The following EEFSEC variants were observed in gnomAD, a reference collection of about 807,000 sequenced individuals.
EEFSEC encodes the protein selenocysteine-specific elongation factor.
Under a neutral mutation model 42.1 loss-of-function variants are expected in EEFSEC, and 43 were observed. The ratio of observed to expected loss-of-function variants is 1.02; its 90% confidence interval spans 0.80 to 1.32. The LOEUF (loss-of-function observed/expected upper bound fraction) is 1.32. Among genes scored for constraint, EEFSEC ranks in the 40% most tolerant of loss-of-function variants. EEFSEC has a pLI of 0.00. For missense variants in EEFSEC, 745 were observed against 803.6 expected, an observed-to-expected ratio of 0.93 and a Z score of 0.88; for synonymous variants, 354 against 339.1, an observed-to-expected ratio of 1.04 and a Z score of -0.48.
chr3:128,230,097 GT>G (rs1429284897), intron 1 of EEFSEC, among the ~76,000 whole-genome samples: 3 of 115,432 alleles, frequency 2.6e-5, no homozygotes, highest in African/African-American at 9.1e-5. Context: ...TCATTCTTTC[GT>G]TTTTTCATTC....
intron 1 of EEFSEC, among the ~76,000 whole-genome samples, chr3:128,165,691 G>A (rs2065236844): frequency 6.6e-6 from 1 of 152,156 alleles, no homozygotes; most frequent in Non-Finnish European, 1.5e-5. Flanking sequence ...TATTTATTTG[G>A]TGCCATGCAC....
chr3:128,319,461 T>G (rs145984649), intron 4 of EEFSEC, among the ~76,000 whole-genome samples: 5 of 152,328 alleles, frequency 3.3e-5, no homozygotes, highest in African/African-American at 4.8e-5. Context: ...ATTATGTATA[T>G]TCATGGGCCG....
At chr3:128,407,953 G>T in intron 6 of EEFSEC, 116 bp from the exon 7 acceptor site, 2 of 1,001,982 alleles carry the variant, frequency 2.0e-6, no homozygotes, top group South Asian at 3.4e-5. Flanking sequence ...CCTCAGGGCT[G>T]ATTGGCTAGG....
chr3:128,425,590 A>G, the EEFSEC span, among the ~76,000 whole-genome samples: 2 of 152,336 alleles, frequency 1.3e-5, no homozygotes, highest in East Asian at 3.9e-4. Flanking sequence ...TGCTGTCTGC[A>G]TTCCCGCCTG....
At chr3:128,282,960 A>G (rs1248010921) in intron 4 of EEFSEC, among the ~76,000 whole-genome samples, 3 of 152,208 alleles carry the variant, frequency 2.0e-5, no homozygotes, top group Non-Finnish European at 4.4e-5. Context: ...GCTCCCTACA[A>G]CTGTGCCTCC....
At chr3:128,222,430 G>C (rs2107849533) in intron 1 of EEFSEC, among the ~76,000 whole-genome samples, 1 of 152,292 alleles carries the variant, frequency 6.6e-6, no homozygotes, top group Admixed American at 6.5e-5. Flanking sequence ...TTGTTAACCT[G>C]TTACTCGGGT....
chr3:128,390,541 TGAAA>T (rs953076802), intron 6 of EEFSEC, among the ~76,000 whole-genome samples: 7 of 152,248 alleles, frequency 4.6e-5, no homozygotes, highest in South Asian at 4.1e-4. Context: ...CTTCTGTGTC[TGAAA>T]GAGAGAGGCC....
chr3:128,286,028 G>A lies in EEFSEC; in HGVS notation c.786+21247G>A, dbSNP rs114805429. Among the ~76,000 whole-genome samples the A allele has an allele frequency of 4.1e-3, 631 of 152,344 alleles. 7 individuals carry two copies. Among genetic ancestry groups the A allele is most frequent in the African/African-American group, 0.015 (609 of 41,574 alleles). On this transcript the variant is annotated intron_variant, in intron 4 of 6. Coordinates refer to ENST00000254730, the MANE Select transcript of EEFSEC (RefSeq NM_021937.5). ...GTTTGTAGTCATGCATGTGTGTACA[G>A]CATTGTTTGCTCTGTCTTGTAGATA...
intron 2 of EEFSEC, among the ~76,000 whole-genome samples, chr3:128,248,885 T>C (rs1162904412): frequency 3.3e-5 from 5 of 152,246 alleles, no homozygotes; most frequent in South Asian, 2.1e-4. Flanking sequence ...TTATGGACTT[T>C]ATCACACATC....
intron 1 of EEFSEC, among the ~76,000 whole-genome samples, chr3:128,231,966 GT>G (rs1343405789): frequency 6.6e-6 from 1 of 152,062 alleles, no homozygotes; most frequent in African/African-American, 2.4e-5. Context: ...TGTGCTTAGG[GT>G]TTTCTTTGTA....
downstream of EEFSEC, among the ~76,000 whole-genome samples, chr3:128,410,917 A>T (rs113484663): frequency 0.017 from 2,665 of 152,294 alleles, 87 homozygotes; most frequent in African/African-American, 0.06. Context: ...GGGTGGAGGA[A>T]CTGAGGCACA....
At position 128,327,670 on chromosome 3, in the gene EEFSEC, G is replaced by A. The variant is rs559672034; in HGVS notation, c.787-13563G>A. ...GGATAAACAGTAGGGCAGAGGCAGG[G>A]AGTGTGCTGGGAGACCAGCCCAGAG... On this transcript the variant is annotated intron_variant, in intron 4 of 6. Transcript: ENST00000254730. 3.3e-3 allele frequency among the ~76,000 whole-genome samples: 507 copies of A among 152,330 alleles called. 3 individuals are homozygous for A. The highest frequency in any genetic ancestry group is 5.7e-3 in the Non-Finnish European group (391 of 68,028).
chr3:128,320,048 G>A (rs1399469078), intron 4 of EEFSEC, among the ~76,000 whole-genome samples: 3 of 152,170 alleles, frequency 2.0e-5, no homozygotes, highest in African/African-American at 7.2e-5. Flanking sequence ...GTCCTGCCTC[G>A]GTGCACAGCA....
At chr3:128,216,980 A>G (rs2065817184) in intron 1 of EEFSEC, among the ~76,000 whole-genome samples, 2 of 152,254 alleles carry the variant, frequency 1.3e-5, no homozygotes, top group Admixed American at 1.3e-4. Flanking sequence ...TAGCTCAAGT[A>G]TTCATATGTT....
At chr3:128,335,814 A>G (rs2067183819) in intron 4 of EEFSEC, among the ~76,000 whole-genome samples, 1 of 152,214 alleles carries the variant, frequency 6.6e-6, no homozygotes, top group African/African-American at 2.4e-5. Flanking sequence ...GGGGTCAGGC[A>G]CTGGACCTAC....
intron 1 of EEFSEC, among the ~76,000 whole-genome samples, chr3:128,167,869 G>A (rs191965803): frequency 2.5e-4 from 38 of 152,264 alleles, no homozygotes; most frequent in Admixed American, 2.1e-3. Flanking sequence ...GGTTTTTGCC[G>A]GCAATCTTCA....
chr3:128,243,364 G>T (rs1235569665), intron 1 of EEFSEC, among the ~76,000 whole-genome samples: 2 of 152,204 alleles, frequency 1.3e-5, no homozygotes, highest in Non-Finnish European at 2.9e-5. Flanking sequence ...ATCTCAATAG[G>T]CGTGAGAAGC....
intron 1 of EEFSEC, among the ~76,000 whole-genome samples, chr3:128,191,709 A>G (rs1443233062): frequency 6.6e-6 from 1 of 152,206 alleles, no homozygotes; most frequent in Non-Finnish European, 1.5e-5. Context: ...AAGCAGAATC[A>G]TACAGGCTTG....
At chr3:128,173,410 C>G (rs1017422638) in intron 1 of EEFSEC, among the ~76,000 whole-genome samples, 3 of 152,174 alleles carry the variant, frequency 2.0e-5, no homozygotes, top group African/African-American at 7.2e-5. Flanking sequence ...CTTGTATACT[C>G]TGGGTCACCG....
Sources: gnomAD v4.1 joint callset for allele counts (sites outside exome capture counted in the v4.1 genomes callset) on GRCh38, gnomAD v4.1.1 for gene constraint, MANE v1.5 for transcripts, NCBI Gene and HGNC (gene_info 2026-07-23, HGNC 2026-07-21) for gene names.